The following THADA variants were observed in gnomAD, a reference collection of about 807,000 sequenced individuals.
The protein encoded by THADA is tRNA (32-2'-O)-methyltransferase regulator THADA.
In THADA, 213 loss-of-function variants were observed where a neutral mutation model predicts 219.8. The observed-to-expected ratio is 0.97, with a 90% CI of 0.87 to 1.09. THADA has a LOEUF of 1.09. THADA is among the 50% of genes least tolerant of loss of function. THADA has a pLI of 0.00. For synonymous variants in THADA, 1,018 were observed against 828.9 expected (o/e 1.23, Z -3.92); for missense variants, 2,956 against 2,311.3 (o/e 1.28, Z -5.72).
chr2:43,541,329 A>C lies in THADA; in HGVS notation c.3107-13T>G, dbSNP rs1387409240. ...TTTACTTCTTTACCTTAAACAAAAA[A>C]AAACACAACGATTGCAACCTTGATT... On this transcript the variant is annotated splice_polypyrimidine_tract_variant and intron_variant, in intron 20 of 37. Transcript: ENST00000405975. 1.9e-6 allele frequency: 3 copies of C among 1,611,790 alleles called. No homozygotes were observed. Among genetic ancestry groups the C allele is most frequent in the Non-Finnish European group, 2.5e-6 (3 of 1,179,076 alleles).
Position 43,549,267 on chromosome 2 carries a change from C to G in THADA, c.3049G>C (p.Asp1017His). 1 of 1,594,734 alleles carries G rather than the reference C, an allele frequency of 6.3e-7. No individual in the cohort carries two copies. ...AKILKEHDSF[D>H]MKDLNASVVN... ...ACACTAGCATTCAAGTCCTTCATAT[C>G]AAAGCTATCATGTTCTTTCAATATT... The change falls in exon 20 of 38, where the codon GAT (aspartate) becomes CAT (histidine). Residue 1017 changes from aspartate (D) to histidine (H), a missense_variant. Coordinates refer to ENST00000405975, the MANE Select transcript of THADA (RefSeq NM_022065.5).
At chr2:43,350,661 G>T (rs1219754011) in intron 29 of THADA, among the ~76,000 whole-genome samples, 2 of 152,166 alleles carry the variant, frequency 1.3e-5, no homozygotes, top group African/African-American at 4.8e-5. Flanking sequence ...CGGAACCTTG[G>T]GATACCTGAA....
At chr2:43,409,539 A>T (rs1178686678) in intron 28 of THADA, among the ~76,000 whole-genome samples, 1 of 152,152 alleles carries the variant, frequency 6.6e-6, no homozygotes, top group Non-Finnish European at 1.5e-5. Flanking sequence ...CCCCTGAGAA[A>T]GTCTGACATC....
At chr2:43,570,322 T>C (rs574743740) in intron 14 of THADA, 66 bp downstream of exon 14, 90 of 1,443,426 alleles carry the variant, frequency 6.2e-5, no homozygotes, top group Middle Eastern at 4.8e-4. Flanking sequence ...TATTTCCCTT[T>C]AATGCTTATT....
intron 36 of THADA, among the ~76,000 whole-genome samples, chr2:43,238,816 G>A (rs938106174): frequency 1.3e-5 from 2 of 152,196 alleles, no homozygotes; most frequent in African/African-American, 4.8e-5. Context: ...GTCTAGGTGG[G>A]AAGGTAAGAC....
rs1674896709 is a variant in THADA, at chr2:43,292,836, T to C, written c.4816A>G (p.Lys1606Glu). 6.2e-7 allele frequency: 1 copy of C among 1,611,524 alleles called. No homozygotes were observed. Among genetic ancestry groups the C allele is most frequent in the African/African-American group, 1.3e-5 (1 of 75,036 alleles). Residue 1606 changes from lysine (K) to glutamate (E), a missense_variant and splice_region_variant, in exon 32 of 38, where the codon AAG (lysine) becomes GAG (glutamate). Lys to Glu is a moderately conservative substitution (Grantham distance 56). Coordinates refer to ENST00000405975, the MANE Select transcript of THADA (RefSeq NM_022065.5). Reference sequence around the variant, plus strand: ...AGTCAGTACGTTGGAGACTTTACCTTGCAGAAGCATTCTGGGTGATTTTCC... The same window carrying C: ...AGTCAGTACGTTGGAGACTTTACCTCGCAGAAGCATTCTGGGTGATTTTCC... ...MKENHPECFC[K>E]ILKILHCMDP...
intron 31 of THADA, among the ~76,000 whole-genome samples, chr2:43,306,903 A>G (rs1239537664): frequency 6.6e-6 from 1 of 152,084 alleles, no homozygotes. Flanking sequence ...TGTTCTCCCA[A>G]TGTTGGCTTT....
At chr2:43,465,492 C>G (rs1463021499) in intron 26 of THADA, among the ~76,000 whole-genome samples, 1 of 152,072 alleles carries the variant, frequency 6.6e-6, no homozygotes, top group Non-Finnish European at 1.5e-5. Context: ...AGGAAGAGCC[C>G]ACAAAGTAGA....
At chr2:43,446,306 G>A (rs562531938) in intron 26 of THADA, among the ~76,000 whole-genome samples, 24 of 152,288 alleles carry the variant, frequency 1.6e-4, no homozygotes, top group Admixed American at 3.3e-4. Context: ...TCGAAGAAGT[G>A]GGTCTATTTC....
intron 8 of THADA, among the ~76,000 whole-genome samples, chr2:43,580,103 C>T (rs777715944): frequency 3.3e-5 from 5 of 149,788 alleles, no homozygotes; most frequent in Non-Finnish European, 7.4e-5. Flanking sequence ...TGGCTCACTG[C>T]AACCTCTGTC....
intron 31 of THADA, among the ~76,000 whole-genome samples, chr2:43,301,676 A>G (rs552915779): frequency 6.6e-6 from 1 of 152,322 alleles, no homozygotes; most frequent in East Asian, 1.9e-4. Flanking sequence ...AGCACATTAC[A>G]TTAATCTGAG....
intron 22 of THADA, among the ~76,000 whole-genome samples, chr2:43,513,868 T>A (rs1052853127): frequency 2.0e-5 from 3 of 152,164 alleles, no homozygotes; most frequent in African/African-American, 7.2e-5. Flanking sequence ...ATGTTTAGGA[T>A]ACTGAAGTGA....
rs771149151 is a variant in THADA, at chr2:43,292,937, G to A, written c.4715C>T (p.Ala1572Val). 6.2e-7 allele frequency: 1 copy of A among 1,614,032 alleles called. No individual in the cohort carries two copies. Among genetic ancestry groups the A allele is most frequent in the African/African-American group, 1.3e-5 (1 of 75,056 alleles). The change falls in exon 32 of 38, where the codon GCC becomes GTC. Residue 1572 changes from alanine (A) to valine (V), a missense_variant. Ala to Val is a moderately conservative substitution (Grantham distance 64, BLOSUM62 0). Coordinates refer to ENST00000405975, the MANE Select transcript of THADA (RefSeq NM_022065.5). ...EALLEKFLAAASGLGEKGVPP... is the reference protein window; with the variant it reads ...EALLEKFLAAVSGLGEKGVPP... ...CACGCCCTTCTCTCCAAGTCCAGAG[G>A]CTGCTGCTAAGAACTTTTCCAAGAG...
In THADA at chr2:43,231,342, A is replaced by C. The variant is rs1667392088; in HGVS notation, c.5468T>G (p.Val1823Gly). 6.6e-7 allele frequency: 1 copy of C among 1,525,038 alleles called. No homozygotes were observed. Among genetic ancestry groups the C allele is most frequent in the South Asian group, 1.3e-5 (1 of 75,732 alleles). 94.5% of individuals were successfully genotyped at this position (1,525,038 alleles called of 1,614,324 possible). A position where few individuals can be genotyped will look rare whatever the true frequency, so the allele number is the denominator to read the frequency against. ...LVACVESMHQ[V>G]EEDYLFEKAE... The stretch of plus-strand genomic sequence containing the variant: ...TTTTTCAAACAGGTAGTCTTCTTCC[A>C]CCTAAATCAGATGAAAAAGCCGAAA... Residue 1823 changes from valine to glycine, a missense_variant and splice_region_variant, in exon 38 of 38, where the codon GTG becomes GGG. Val to Gly is a moderately radical substitution (Grantham distance 109). Coordinates refer to ENST00000405975, the MANE Select transcript of THADA (RefSeq NM_022065.5).
chr2:43,409,471 C>A (rs1346157786), intron 28 of THADA, among the ~76,000 whole-genome samples: 1 of 151,806 alleles, frequency 6.6e-6, no homozygotes, highest in African/African-American at 2.4e-5. Context: ...TAAGTTGAGT[C>A]ATATTTCAGC....
intron 30 of THADA, among the ~76,000 whole-genome samples, chr2:43,335,766 C>G (rs929213393): frequency 6.9e-6 from 1 of 145,596 alleles, no homozygotes; most frequent in African/African-American, 2.6e-5. Context: ...CTAAACCAGC[C>G]TGGGAACAGA....
At chr2:43,336,338 C>A (rs1666430669) in intron 30 of THADA, among the ~76,000 whole-genome samples, 1 of 152,016 alleles carries the variant, frequency 6.6e-6, no homozygotes, top group Non-Finnish European at 1.5e-5. Flanking sequence ...GTGGCGCGAT[C>A]TCGGCTCACC....
chr2:43,240,093 A>T (rs1425028837), intron 36 of THADA, among the ~76,000 whole-genome samples: 2 of 152,096 alleles, frequency 1.3e-5, no homozygotes, highest in African/African-American at 4.8e-5. Flanking sequence ...AAAAGACAGA[A>T]AGGAAAAACA....
chr2:43,321,877 A>C (rs1678755099), intron 30 of THADA, among the ~76,000 whole-genome samples: 1 of 152,170 alleles, frequency 6.6e-6, no homozygotes, highest in African/African-American at 2.4e-5. Flanking sequence ...TATTGGCACA[A>C]GTGTTCTGGC....
Sources: allele counts gnomAD v4.1 joint callset (sites outside exome capture counted in the v4.1 genomes callset), GRCh38; gene constraint gnomAD v4.1.1; transcripts MANE v1.5; gene names NCBI Gene and HGNC (gene_info 2026-07-23, HGNC 2026-07-21).